Variants in AGBL1 observed in about 807,000 individuals in gnomAD.
AGBL1 encodes AGBL carboxypeptidase 1, also known as cytosolic carboxypeptidase 4.
Under a neutral mutation model 118.9 loss-of-function variants are expected in AGBL1, and 130 were observed. The ratio of observed to expected loss-of-function variants is 1.09; its 90% CI spans 0.95 to 1.26. AGBL1 has a LOEUF of 1.26. AGBL1 is among the 50% of genes most tolerant of loss of function. The pLI, the probability that AGBL1 is intolerant of heterozygous loss-of-function variation, is 0.00. For missense variants in AGBL1, 1,584 were observed against 1,298.1 expected (o/e 1.22, Z -3.38); for synonymous variants, 555 against 478.9 (o/e 1.16, Z -2.08).
intron 22 of AGBL1, among the ~76,000 whole-genome samples, chr15:86,791,728 T>TTATA (rs3059670): frequency 0.074 from 10,507 of 142,744 alleles, 592 homozygotes; most frequent in East Asian, 0.23. Flanking sequence ...TCCTTGTTTT[T>TTATA]TATATATATA....
intron 5 of AGBL1, among the ~76,000 whole-genome samples, chr15:86,206,097 A>G (rs2077987816): frequency 6.6e-6 from 1 of 152,164 alleles, no homozygotes; most frequent in Non-Finnish European, 1.5e-5. Context: ...TTTGCTCAGA[A>G]TGATGGTTTC....
intron 21 of AGBL1, among the ~76,000 whole-genome samples, chr15:86,560,644 G>T (rs1365803799): frequency 6.6e-6 from 1 of 152,166 alleles, no homozygotes; most frequent in Non-Finnish European, 1.5e-5. Flanking sequence ...TAATCCTTTG[G>T]TTATATACCC....
chr15:86,597,827 G>A (rs1463711952), intron 21 of AGBL1, among the ~76,000 whole-genome samples: 3 of 151,530 alleles, frequency 2.0e-5, no homozygotes, highest in African/African-American at 7.3e-5. Flanking sequence ...TTGGCAAGGG[G>A]AAACTGGATA....
chr15:86,099,141 A>G (rs75631574), intron 1 of AGBL1, among the ~76,000 whole-genome samples: 39 of 152,322 alleles, frequency 2.6e-4, no homozygotes, highest in East Asian at 2.5e-3. Context: ...AAAATACTTC[A>G]AATAAACATT....
intron 7 of AGBL1, among the ~76,000 whole-genome samples, chr15:86,255,003 G>A (rs1334431516): frequency 5.3e-5 from 8 of 152,182 alleles, no homozygotes; most frequent in Middle Eastern, 3.4e-3. Context: ...CAATTTTTCA[G>A]AACATTTGAA....
intron 22 of AGBL1, among the ~76,000 whole-genome samples, chr15:86,868,714 G>T (rs557237142): frequency 1.3e-5 from 2 of 152,204 alleles, no homozygotes; most frequent in South Asian, 4.2e-4. Flanking sequence ...CTGTGACTTC[G>T]CACTGTCTGG....
chr15:86,638,933 C>T (rs2085147630), intron 21 of AGBL1, among the ~76,000 whole-genome samples: 1 of 152,040 alleles, frequency 6.6e-6, no homozygotes, highest in South Asian at 2.1e-4. Context: ...GGTAGCAATC[C>T]ACTTCCGAGT....
chr15:87,008,066 T>C (rs375055866), intron 24 of AGBL1, among the ~76,000 whole-genome samples: 1 of 152,186 alleles, frequency 6.6e-6, no homozygotes, highest in Admixed American at 6.5e-5. Flanking sequence ...TCAACTTGAC[T>C]GGATTAAGAA....
At chr15:86,249,868 A>G (rs2078782341) in intron 7 of AGBL1, among the ~76,000 whole-genome samples, 2 of 152,252 alleles carry the variant, frequency 1.3e-5, no homozygotes, top group African/African-American at 2.4e-5. Context: ...GAAGCCCAGC[A>G]TGAGGTGCTA....
At chr15:86,715,595 C>G (rs1414831617) in intron 22 of AGBL1, among the ~76,000 whole-genome samples, 1 of 152,028 alleles carries the variant, frequency 6.6e-6, no homozygotes, top group African/African-American at 2.4e-5. Flanking sequence ...TAAGCTTATT[C>G]TCTGAAATTT....
At chr15:86,668,592 G>C (rs1049368530) in intron 21 of AGBL1, among the ~76,000 whole-genome samples, 1 of 152,038 alleles carries the variant, frequency 6.6e-6, no homozygotes, top group Non-Finnish European at 1.5e-5. Context: ...TTTCCTCTGT[G>C]CATGTTTACA....
At chr15:86,743,099 A>G (rs185660385) in intron 22 of AGBL1, among the ~76,000 whole-genome samples, 11 of 151,752 alleles carry the variant, frequency 7.2e-5, no homozygotes, top group African/African-American at 1.4e-4. Flanking sequence ...GGTCACAGCA[A>G]TGTTAAAGAC....
At chr15:86,667,724 A>G (rs921444932) in intron 21 of AGBL1, among the ~76,000 whole-genome samples, 2 of 151,940 alleles carry the variant, frequency 1.3e-5, no homozygotes, top group Non-Finnish European at 1.5e-5. Context: ...GGCTTCTGCT[A>G]TGACTACCAT....
chr15:86,790,031 G>T (rs1017274102), intron 22 of AGBL1, among the ~76,000 whole-genome samples: 3 of 152,058 alleles, frequency 2.0e-5, no homozygotes, highest in Admixed American at 6.6e-5. Flanking sequence ...TATTATAAGG[G>T]TGTTTTTGTT....
chr15:86,535,449 T>C (rs1485756252), intron 19 of AGBL1, among the ~76,000 whole-genome samples: 1 of 152,226 alleles, frequency 6.6e-6, no homozygotes, highest in Non-Finnish European at 1.5e-5. Context: ...AGCTGCCATA[T>C]TGCAGCTGGC....
At chr15:86,480,662 C>T (rs1257257040) in intron 18 of AGBL1, among the ~76,000 whole-genome samples, 1 of 151,700 alleles carries the variant, frequency 6.6e-6, no homozygotes, top group African/African-American at 2.4e-5. Flanking sequence ...AATATATATA[C>T]ATATGAGAGG....
chr15:86,332,661 A>G (rs932138265), intron 17 of AGBL1, among the ~76,000 whole-genome samples: 2 of 151,796 alleles, frequency 1.3e-5, no homozygotes, highest in Non-Finnish European at 2.9e-5. Flanking sequence ...AAAAAAAAAA[A>G]AAAGAAATTC....
intron 22 of AGBL1, among the ~76,000 whole-genome samples, chr15:86,853,057 C>T (rs12324846): frequency 8.3e-6 from 1 of 120,044 alleles, no homozygotes; most frequent in Non-Finnish European, 2.0e-5. Context: ...CAAAAAAAAT[C>T]TCAAAGCCCA....
intron 22 of AGBL1, among the ~76,000 whole-genome samples, chr15:86,794,644 A>G (rs990297960): frequency 6.6e-6 from 1 of 152,196 alleles, no homozygotes; most frequent in Admixed American, 6.5e-5. Flanking sequence ...GAAACAAAAA[A>G]AAAACATGCA....
Sources: allele counts gnomAD v4.1 joint callset (sites outside exome capture counted in the v4.1 genomes callset), GRCh38; gene constraint gnomAD v4.1.1; transcripts MANE v1.5; gene names NCBI Gene and HGNC (gene_info 2026-07-23, HGNC 2026-07-21).